The following FAP variants were observed in gnomAD, a reference collection of about 807,000 sequenced individuals.
FAP encodes fibroblast activation protein alpha, also known as prolyl endopeptidase FAP.
In FAP, 110 loss-of-function variants were observed where a neutral mutation model predicts 126.5. The observed-to-expected ratio is 0.87, with a 90% confidence interval of 0.74 to 1.02. The LOEUF is 1.02. Ranked by LOEUF, FAP falls within the 50% of genes least tolerant of loss-of-function variation. The pLI is 0.00. For synonymous variants in FAP, 334 were observed against 297.3 expected (o/e 1.12, Z -1.27); for missense variants, 919 against 909.2 (o/e 1.01, Z -0.14).
At chr2:162,225,721 T>G in intron 3 of FAP, 144 bp from the exon 4 acceptor site, 1 of 786,858 alleles carries the variant, frequency 1.3e-6, no homozygotes, top group African/African-American at 1.8e-5. Flanking sequence ...TGTAAAATAG[T>G]AAGTTGGTGG....
chr2:162,173,470 C>T (rs769511942), intron 23 of FAP, among the ~76,000 whole-genome samples: 3 of 151,792 alleles, frequency 2.0e-5, no homozygotes, highest in Admixed American at 6.6e-5. Context: ...TAAATGATGC[C>T]CGCTCAAGCT....
Position 162,197,625 on chromosome 2 carries a change from G to C in FAP, c.1402+1132C>G, listed in dbSNP as rs184062288. 1.3e-5 allele frequency: 6 copies of C among 456,526 alleles called. No homozygotes were observed. In the Admixed American group the frequency reaches 1.4e-4, roughly 11 times the overall value. The allele number at this position is 456,526 out of a possible 1,614,324, so 28.3% of individuals were successfully genotyped here. The stretch of plus-strand genomic sequence containing the variant: ...GGTTAAAATGCTTATTCATGTCCAC[G>C]TAGTCAAATGAGCTGCAGCTCAGGT... On this transcript the variant is annotated intron_variant, in intron 16 of 25. Transcript: ENST00000188790.
At chr2:162,227,396 T>C (rs911428533) in intron 2 of FAP, among the ~76,000 whole-genome samples, 1 of 152,132 alleles carries the variant, frequency 6.6e-6, no homozygotes, top group African/African-American at 2.4e-5. Context: ...ATGATCTTAT[T>C]CTCAGAACAA....
chr2:162,221,816 T>C (rs919552800), intron 6 of FAP: 2 of 447,430 alleles, frequency 4.5e-6, no homozygotes, highest in Non-Finnish European at 8.9e-6. Context: ...CCAGTAGTTT[T>C]GTTTTCTCTA....
intron 12 of FAP, chr2:162,209,743 A>G (rs930544374): frequency 9.3e-6 from 5 of 539,926 alleles, no homozygotes; most frequent in Non-Finnish European, 1.6e-5. Context: ...CATGAGGAGT[A>G]TGAGTTATTT....
chr2:162,194,823 G>C, intron 16 of FAP, 75 bp from the exon 17 acceptor site: 1 of 1,344,972 alleles, frequency 7.4e-7, no homozygotes, highest in Non-Finnish European at 1.1e-6. Flanking sequence ...GCTGCTGGTA[G>C]TATTTGTGAT....
intron 12 of FAP, 25 bp downstream of exon 12, chr2:162,209,927 T>C (rs772945725): frequency 2.7e-5 from 43 of 1,605,414 alleles, no homozygotes; most frequent in Non-Finnish European, 3.5e-5. Flanking sequence ...CATTAAAACA[T>C]AAGAAAAAGA....
chr2:162,236,593 T>A (rs1690141929), intron 2 of FAP, among the ~76,000 whole-genome samples: 1 of 149,976 alleles, frequency 6.7e-6, no homozygotes, highest in Non-Finnish European at 1.5e-5. Context: ...TTTCATTTGT[T>A]ATCTGATTTT....
At chr2:162,241,003 GTCC>G (rs1332876267) in intron 2 of FAP, among the ~76,000 whole-genome samples, 2 of 152,114 alleles carry the variant, frequency 1.3e-5, no homozygotes, top group African/African-American at 4.8e-5. Flanking sequence ...ACTTCCCCGG[GTCC>G]TGCTCAGGAA....
chr2:162,219,471 T>C (rs1326823897), intron 7 of FAP, among the ~76,000 whole-genome samples: 2 of 152,168 alleles, frequency 1.3e-5, no homozygotes, highest in Non-Finnish European at 2.9e-5. Context: ...AATAAATCTC[T>C]GAATATTAAT....
chr2:162,178,949 T>C (rs1007056563), intron 21 of FAP, among the ~76,000 whole-genome samples: 1 of 152,188 alleles, frequency 6.6e-6, no homozygotes, highest in East Asian at 1.9e-4. Flanking sequence ...CACACAGATA[T>C]GACCTCTTCC....
At chr2:162,209,742 T>C in intron 12 of FAP, 1 of 534,600 alleles carries the variant, frequency 1.9e-6, no homozygotes, top group Admixed American at 3.4e-5. Flanking sequence ...ACATGAGGAG[T>C]ATGAGTTATT....
rs75565881 is a variant in FAP at position 162,199,803 on chromosome 2, C to A, written c.1277+763G>T. On this transcript the variant is annotated intron_variant, in intron 15 of 25. Coordinates refer to ENST00000188790, the MANE Select transcript of FAP (RefSeq NM_004460.5). The stretch of plus-strand genomic sequence containing the variant: ...AGTAAGATCACGATCCAGGAGGGAA[C>A]AGGGGAATATGACAGAGGGAAAATT... Among the ~76,000 whole-genome samples the A allele has an allele frequency of 4.6e-3, 700 of 152,260 alleles. 9 individuals carry two copies. The highest frequency in any genetic ancestry group is 0.016 in the African/African-American group (660 of 41,528).
At chr2:162,220,202 C>T (rs1384870474) in intron 6 of FAP, among the ~76,000 whole-genome samples, 1 of 152,152 alleles carries the variant, frequency 6.6e-6, no homozygotes, top group African/African-American at 2.4e-5. Context: ...TACAGACTGT[C>T]AAAGTGGAGA....
At chr2:162,214,434 C>T (rs1444790628) in intron 10 of FAP, among the ~76,000 whole-genome samples, 1 of 151,716 alleles carries the variant, frequency 6.6e-6, no homozygotes, top group East Asian at 1.9e-4. Flanking sequence ...AATTTTTCAC[C>T]TTATAATTAG....
In FAP at chr2:162,171,093, G is replaced by A. The variant is rs375963018; in HGVS notation, c.2182-13C>T. 1.2e-6 allele frequency: 2 copies of A among 1,607,400 alleles called. No homozygotes were observed. The highest frequency in any genetic ancestry group is 1.7e-5 in the Admixed American group (1 of 59,224). ...GGTCAGAGTACCACTGAAACACAAAGAAAAAAGCTTGTTTTATTCCTGCAG... is the reference window on the plus strand; with the variant it reads ...GGTCAGAGTACCACTGAAACACAAAAAAAAAAGCTTGTTTTATTCCTGCAG... On this transcript the variant is annotated splice_polypyrimidine_tract_variant and intron_variant, in intron 25 of 25. Transcript: ENST00000188790.
At chr2:162,229,143 T>C (rs1294520066) in intron 2 of FAP, among the ~76,000 whole-genome samples, 1 of 152,184 alleles carries the variant, frequency 6.6e-6, no homozygotes, top group Non-Finnish European at 1.5e-5. Flanking sequence ...CATCTTTGCA[T>C]ATAATTTTCC....
chr2:162,231,443 CAT>C (rs1171798674), intron 2 of FAP, among the ~76,000 whole-genome samples: 1 of 152,140 alleles, frequency 6.6e-6, no homozygotes, highest in Non-Finnish European at 1.5e-5. Flanking sequence ...CAGAAGTAAA[CAT>C]GAATTCTGAA....
At position 162,172,806 on chromosome 2, in the gene FAP, T is replaced by C; in HGVS notation, c.2181+5A>G. ...CATGAACATGAGTAAAACAAAATTA[T>C]GTACCATTGCCTGGAAATCCACTTG... is the stretch of plus-strand genomic sequence containing the variant. On this transcript the variant is annotated splice_donor_5th_base_variant and intron_variant, in intron 25 of 25. Coordinates refer to ENST00000188790, the MANE Select transcript of FAP (RefSeq NM_004460.5). 4 of 1,608,478 alleles carry C rather than the reference T, an allele frequency of 2.5e-6. No homozygotes were observed. The highest frequency in any genetic ancestry group is 3.4e-6 in the Non-Finnish European group (4 of 1,175,200).
Sources: gnomAD v4.1 joint callset for allele counts (sites outside exome capture counted in the v4.1 genomes callset) on GRCh38, gnomAD v4.1.1 for gene constraint, MANE v1.5 for transcripts, NCBI Gene and HGNC (gene_info 2026-07-23, HGNC 2026-07-21) for gene names.